BAHD1: variants seen among roughly 807,000 people sequenced by gnomAD.
BAHD1 encodes the protein bromo adjacent homology domain-containing 1 protein.
In BAHD1, 20 loss-of-function variants were observed where a neutral mutation model predicts 63.1. The observed-to-expected ratio is 0.32, with a 90% CI of 0.22 to 0.46. BAHD1 has a LOEUF of 0.46. BAHD1 is among the 20% of genes least tolerant of loss of function. BAHD1 has a pLI of 1.00. For missense variants in BAHD1, 939 were observed against 1,071.8 expected (o/e 0.88, Z 1.73); for synonymous variants, 408 against 426.8 (o/e 0.96, Z 0.54).
intron 3 of BAHD1, among the ~76,000 whole-genome samples, chr15:40,463,596 G>A (rs1471288461): frequency 6.8e-6 from 1 of 148,012 alleles, no homozygotes; most frequent in African/African-American, 2.5e-5. Context: ...GGGGGTCTTG[G>A]AGTGAGAGTC....
intron 1 of BAHD1, among the ~76,000 whole-genome samples, chr15:40,450,582 G>A (rs866661878): frequency 5.3e-5 from 8 of 152,322 alleles, no homozygotes; most frequent in Middle Eastern, 3.4e-3. Flanking sequence ...GAGGCCTGTT[G>A]CTGAGCTTTG....
Position 40,466,186 on chromosome 15 carries a change from G to T in BAHD1, c.*56G>T. 1 of 1,505,864 alleles carries T rather than the reference G, an allele frequency of 6.6e-7. No individual in the cohort carries two copies. Among genetic ancestry groups the T allele is most frequent in the Non-Finnish European group, 9.0e-7 (1 of 1,114,946 alleles). The allele number at this position is 1,505,864 out of a possible 1,614,324, so 93.3% of individuals were successfully genotyped here. On this transcript the variant is annotated 3_prime_UTR_variant, in exon 7 of 7. Transcript: ENST00000416165. ...GGGCAAGTGGGGCTCGGGGTAGGGG[G>T]CACTGCTTGAAGCACAGCACTTGGT...
chr15:40,466,250 T>C lies in BAHD1; in HGVS notation c.*120T>C. The C allele has an allele frequency of 1.0e-6, 1 of 962,998 alleles. No homozygotes were observed. Among genetic ancestry groups the C allele is most frequent in the Non-Finnish European group, 1.5e-6 (1 of 676,296 alleles). The allele number at this position is 962,998 out of a possible 1,614,324, so 59.7% of individuals were successfully genotyped here. The stretch of plus-strand genomic sequence containing the variant: ...AGGCCTAAGTTTGCTGGCCTGTGGT[T>C]TTCTTGGGGGGGAGGGCAGGGGCCC... On this transcript the variant is annotated 3_prime_UTR_variant, in exon 7 of 7. Coordinates refer to ENST00000416165, the MANE Select transcript of BAHD1 (RefSeq NM_014952.5).
Position 40,463,910 on chromosome 15 carries a change from A to T in BAHD1, c.1865A>T (p.His622Leu). ...AAGAGCTACCAGGCGGTAGAGCGGC[A>T]TGGGGAGACAATCCGAGTCCGGGAC... The part of the protein sequence containing the change: ...IRKSYQAVER[H>L]GETIRVRDTV... The change falls in exon 4 of 7, where the codon CAT (histidine) becomes CTT (leucine). Residue 622 changes from histidine (H) to leucine (L), a missense_variant. Coordinates refer to ENST00000416165, the MANE Select transcript of BAHD1 (RefSeq NM_014952.5). 1 of 1,614,202 alleles carries T rather than the reference A, an allele frequency of 6.2e-7. No individual in the cohort carries two copies. Among genetic ancestry groups the T allele is most frequent in the South Asian group, 1.1e-5 (1 of 91,086 alleles).
intron 1 of BAHD1, among the ~76,000 whole-genome samples, chr15:40,441,716 C>T (rs1449833549): frequency 2.0e-5 from 3 of 148,494 alleles, no homozygotes; most frequent in Admixed American, 2.0e-4. Context: ...GGCGGCGAGG[C>T]CCCCGCCGCG....
Position 40,463,727 on chromosome 15 carries a change from ATAGTGGTTTGACAAAACCAAGG to A in BAHD1, c.1816-121_1816-100del, listed in dbSNP as rs761900493. 4.6e-5 allele frequency: 44 copies of A among 947,466 alleles called. No homozygotes were observed. The Middle Eastern group carries it at 2.0e-3, about 43-fold the overall frequency. 58.7% of individuals were successfully genotyped at this position (947,466 alleles called of 1,614,324 possible). A position where few individuals can be genotyped will look rare whatever the true frequency, so the allele number is the denominator to read the frequency against. ...ATTCCCCAGCCCCATCCAAAAAAGG[ATAGTGGTTTGACAAAACCAAGG>A]TAGTGGTTTGACTATCTTGAGGAAA... On this transcript the variant is annotated intron_variant, in intron 3 of 6. Transcript: ENST00000416165.
rs2141551925 is a variant in BAHD1 at position 40,464,465 on chromosome 15, T to C, written c.1976-6T>C. Reference sequence around the variant, plus strand: ...TCAAGCCATAACCACTGTGTTGTCCTTCCAGGAGAGCTGATGATGAGCCTC... The same window carrying C: ...TCAAGCCATAACCACTGTGTTGTCCCTCCAGGAGAGCTGATGATGAGCCTC... On this transcript the variant is annotated splice_region_variant and splice_polypyrimidine_tract_variant and intron_variant, in intron 4 of 6. Transcript: ENST00000416165. 6.2e-7 allele frequency: 1 copy of C among 1,611,694 alleles called. No individual in the cohort carries two copies. The highest frequency in any genetic ancestry group is 8.5e-7 in the Non-Finnish European group (1 of 1,178,932).
chr15:40,441,824 G>C (rs1260511066), intron 1 of BAHD1, among the ~76,000 whole-genome samples: 1 of 151,088 alleles, frequency 6.6e-6, no homozygotes, highest in Non-Finnish European at 1.5e-5. Context: ...CCCGCGCTGG[G>C]AGCTGACCGG....
intron 2 of BAHD1, among the ~76,000 whole-genome samples, chr15:40,461,175 C>G (rs569514073): frequency 6.6e-6 from 1 of 152,232 alleles, no homozygotes; most frequent in East Asian, 1.9e-4. Flanking sequence ...GTAATGATAC[C>G]TATCTCACAG....
upstream of BAHD1, among the ~76,000 whole-genome samples, chr15:40,440,763 C>G (rs1893373829): frequency 6.6e-6 from 1 of 152,078 alleles, no homozygotes; most frequent in African/African-American, 2.4e-5. Context: ...TCGTGCTGCC[C>G]CCTGCGTTGG....
chr15:40,466,121 C>T lies in BAHD1; in HGVS notation c.2334C>T (p.Asn778=). Residue 778 remains asparagine (N), a synonymous_variant, in exon 7 of 7, where the codon AAC becomes AAT. Transcript: ENST00000416165. ...YDFRHGRILK[N]PQ is the part of the protein sequence containing the mutation. ...TCCGCCACGGGCGCATCCTTAAGAACCCCCAGTAGCCTCCTCATGCCCATG... is the reference window on the plus strand; with the variant it reads ...TCCGCCACGGGCGCATCCTTAAGAATCCCCAGTAGCCTCCTCATGCCCATG... 3 of 1,612,298 alleles carry T rather than the reference C, an allele frequency of 1.9e-6. No individual in the cohort carries two copies. Among genetic ancestry groups the T allele is most frequent in the East Asian group, 2.2e-5 (1 of 44,848 alleles).
intron 2 of BAHD1, among the ~76,000 whole-genome samples, chr15:40,460,637 C>G (rs1566964513): frequency 6.6e-6 from 1 of 152,194 alleles, no homozygotes; most frequent in African/African-American, 2.4e-5. Flanking sequence ...AATCATTTCT[C>G]TTCCCTAAAC....
chr15:40,448,836 CTTTT>C (rs71132183), intron 1 of BAHD1, among the ~76,000 whole-genome samples: 7 of 132,180 alleles, frequency 5.3e-5, no homozygotes, highest in Admixed American at 7.5e-5. Context: ...CCTTTTAACT[CTTTT>C]TTTTTTTTTT....
At chr15:40,439,040 G>A (rs949187604), upstream of BAHD1, among the ~76,000 whole-genome samples, 3 of 152,218 alleles carry the variant, frequency 2.0e-5, no homozygotes, top group Non-Finnish European at 4.4e-5. Flanking sequence ...AATTCTGTGA[G>A]GTGGGGAGTA....
At chr15:40,451,246 C>A (rs529490770) in intron 1 of BAHD1, among the ~76,000 whole-genome samples, 19 of 152,158 alleles carry the variant, frequency 1.2e-4, no homozygotes, top group African/African-American at 4.3e-4. Context: ...GCTGCCCACT[C>A]CCTACTGGGC....
intron 1 of BAHD1, among the ~76,000 whole-genome samples, chr15:40,450,369 T>G (rs533533254): frequency 6.6e-6 from 1 of 152,302 alleles, no homozygotes; most frequent in East Asian, 1.9e-4. Context: ...GCTGGCTAGT[T>G]TCTGTTCAGG....
In BAHD1 at chr15:40,466,201, C is replaced by T; in HGVS notation, c.*71C>T. The T allele has an allele frequency of 2.7e-6, 4 of 1,477,580 alleles. No individual in the cohort carries two copies. The highest frequency in any genetic ancestry group is 3.7e-6 in the Non-Finnish European group (4 of 1,090,402). The allele number at this position is 1,477,580 out of a possible 1,614,324, so 91.5% of individuals were successfully genotyped here. Reference sequence around the variant, plus strand: ...GGGGTAGGGGGCACTGCTTGAAGCACAGCACTTGGTTAGGGGGCCACAGAG... The same window carrying T: ...GGGGTAGGGGGCACTGCTTGAAGCATAGCACTTGGTTAGGGGGCCACAGAG... On this transcript the variant is annotated 3_prime_UTR_variant, in exon 7 of 7. Transcript: ENST00000416165.
At position 40,458,424 on chromosome 15, in the gene BAHD1, T is replaced by C; in HGVS notation, c.-14-27T>C. Reference sequence around the variant, plus strand: ...GCAGGAGCAGGCCAGAGAGGGCTTCTCTCATTGCCCACCTTCTGTCCTGCA... The same window carrying C: ...GCAGGAGCAGGCCAGAGAGGGCTTCCCTCATTGCCCACCTTCTGTCCTGCA... On this transcript the variant is annotated intron_variant, in intron 1 of 6. Transcript: ENST00000416165. The surrounding 1 kb of genome is among the most constrained non-coding windows in gnomAD (Gnocchi z 4.7). The C allele has an allele frequency of 1.3e-6, 2 of 1,527,978 alleles. No individual in the cohort carries two copies. Among genetic ancestry groups the C allele is most frequent in the South Asian group, 2.6e-5 (2 of 77,068 alleles). 94.7% of individuals were successfully genotyped at this position (1,527,978 alleles called of 1,614,324 possible). A position where few individuals can be genotyped will look rare whatever the true frequency, so the allele number is the denominator to read the frequency against.
chr15:40,444,525 T>C (rs1224935141), intron 1 of BAHD1, among the ~76,000 whole-genome samples: 1 of 152,196 alleles, frequency 6.6e-6, no homozygotes, highest in Admixed American at 6.5e-5. Context: ...TGAATCCATG[T>C]TTTATCTCTT....
Sources: allele counts gnomAD v4.1 joint callset (sites outside exome capture counted in the v4.1 genomes callset), GRCh38; gene constraint gnomAD v4.1.1; non-coding constraint Gnocchi (gnomAD v3.1); transcripts MANE v1.5; gene names NCBI Gene and HGNC (gene_info 2026-07-23, HGNC 2026-07-21).